The following THADA variants were observed in gnomAD, a reference collection of about 807,000 sequenced individuals.
THADA encodes THADA armadillo repeat containing.
A neutral mutation model predicts 219.8 loss-of-function variants in THADA; 213 were observed. That is an observed-to-expected ratio of 0.97 (90% CI 0.87 to 1.09). The LOEUF (loss-of-function observed/expected upper bound fraction) is 1.09. Among genes scored for constraint, THADA ranks in the 50% least tolerant of loss-of-function variants. The pLI is 0.00. For synonymous variants in THADA, 1,018 were observed against 828.9 expected (o/e 1.23, Z -3.92); for missense variants, 2,956 against 2,311.3 (o/e 1.28, Z -5.72).
At position 43,231,191 on chromosome 2, in the gene THADA, C is replaced by A. The variant is rs1177401090; in HGVS notation, c.5619G>T (p.Arg1873Ser). The change falls in exon 38 of 38, where the codon AGG (arginine) becomes AGT (serine). Residue 1873 changes from arginine (R) to serine (S), a missense_variant. Physicochemically the swap from Arg to Ser is moderately radical, Grantham distance 110. Coordinates refer to ENST00000405975, the MANE Select transcript of THADA (RefSeq NM_022065.5). Reference sequence around the variant, plus strand: ...GGAGGTGGCACTGCTCTGACACCATCCTTTGAAGGTGACAGAGCATCTCAG... The same window carrying A: ...GGAGGTGGCACTGCTCTGACACCATACTTTGAAGGTGACAGAGCATCTCAG... Reference protein sequence around the residue: ...PSPEMLCHLQRMVSEQCHLLS... With the variant: ...PSPEMLCHLQSMVSEQCHLLS... 6.2e-7 allele frequency: 1 copy of A among 1,613,722 alleles called. No individual in the cohort carries two copies. Among genetic ancestry groups the A allele is most frequent in the Non-Finnish European group, 8.5e-7 (1 of 1,179,796 alleles).
intron 28 of THADA, among the ~76,000 whole-genome samples, chr2:43,410,944 C>G (rs1038235869): frequency 1.3e-5 from 2 of 152,186 alleles, no homozygotes; most frequent in African/African-American, 4.8e-5. Flanking sequence ...GTCTTGCTTT[C>G]TTAGCCTCCA....
In THADA at chr2:43,556,517, C is replaced by A. The variant is rs759791309; in HGVS notation, c.2502G>T (p.Leu834Phe). 6.2e-7 allele frequency: 1 copy of A among 1,613,786 alleles called. No homozygotes were observed. Among genetic ancestry groups the A allele is most frequent in the East Asian group, 2.2e-5 (1 of 44,880 alleles). ...GKLQGLFQAA[L>F]ELSTSTKPYD... ...ATGGTTTGGTGCTTGTGCTGAGCTC[C>A]AATGCTGCCTGAAATAAGCCTTGCA... is the stretch of plus-strand genomic sequence containing the variant. Residue 834 changes from leucine (L) to phenylalanine (F), a missense_variant, in exon 17 of 38, where the codon TTG becomes TTT. Transcript: ENST00000405975.
intron 26 of THADA, chr2:43,430,575 T>A: frequency 2.1e-6 from 1 of 481,438 alleles, no homozygotes; most frequent in Non-Finnish European, 4.0e-6. Context: ...AGGGAAGAAA[T>A]ATGTAATCTG....
At chr2:43,590,558 T>C (rs551118580) in intron 4 of THADA, among the ~76,000 whole-genome samples, 1 of 143,708 alleles carries the variant, frequency 7.0e-6, no homozygotes, top group Non-Finnish European at 1.5e-5. Context: ...GGCAGGAGAA[T>C]GGCGTGAACC....
intron 21 of THADA, among the ~76,000 whole-genome samples, chr2:43,537,566 T>C (rs1395133424): frequency 1.3e-5 from 2 of 152,210 alleles, no homozygotes; most frequent in Non-Finnish European, 2.9e-5. Context: ...ATATATCCCA[T>C]TTGTAGTTCA....
intron 26 of THADA, among the ~76,000 whole-genome samples, chr2:43,437,596 A>T (rs1680283715): frequency 6.6e-6 from 1 of 152,196 alleles, no homozygotes; most frequent in Non-Finnish European, 1.5e-5. Flanking sequence ...TGATGTATTC[A>T]TGGGAGAATT....
At chr2:43,418,536 T>G (rs6739313) in intron 28 of THADA, among the ~76,000 whole-genome samples, 1 of 151,966 alleles carries the variant, frequency 6.6e-6, no homozygotes, top group Non-Finnish European at 1.5e-5. Context: ...AAGAAGGCTG[T>G]TCAAACTTCA....
chr2:43,234,144 A>G (rs1490971855), intron 36 of THADA, among the ~76,000 whole-genome samples: 1 of 152,180 alleles, frequency 6.6e-6, no homozygotes, highest in Non-Finnish European at 1.5e-5. Flanking sequence ...CTAGCATCCT[A>G]TGGGTTGGGT....
chr2:43,525,191 G>C (rs564302233), intron 22 of THADA, among the ~76,000 whole-genome samples: 73 of 152,184 alleles, frequency 4.8e-4, no homozygotes, highest in African/African-American at 1.7e-3. Context: ...CCATTTGTCT[G>C]GTGACCAAGA....
At chr2:43,498,215 C>T (rs779406746) in intron 25 of THADA, among the ~76,000 whole-genome samples, 3 of 151,830 alleles carry the variant, frequency 2.0e-5, no homozygotes, top group Admixed American at 6.6e-5. Context: ...ATAGAGGTTA[C>T]TAGGGGTGAG....
At chr2:43,420,487 A>T (rs1014543521) in intron 28 of THADA, among the ~76,000 whole-genome samples, 44 of 152,310 alleles carry the variant, frequency 2.9e-4, no homozygotes, top group African/African-American at 1.0e-3. Context: ...GATTATCATC[A>T]TTGTCAGAAA....
intron 26 of THADA, among the ~76,000 whole-genome samples, chr2:43,439,228 G>A (rs2104853524): frequency 6.6e-6 from 1 of 152,270 alleles, no homozygotes; most frequent in Non-Finnish European, 1.5e-5. Context: ...GTTTTAAACT[G>A]AGTGCCATTA....
At chr2:43,559,812 C>G (rs1321726600) in intron 16 of THADA, among the ~76,000 whole-genome samples, 2 of 152,218 alleles carry the variant, frequency 1.3e-5, no homozygotes, top group Non-Finnish European at 2.9e-5. Flanking sequence ...ATCCTCTCTA[C>G]CTCATTTACA....
At chr2:43,305,187 G>C (rs1288585045) in intron 31 of THADA, among the ~76,000 whole-genome samples, 1 of 151,896 alleles carries the variant, frequency 6.6e-6, no homozygotes, top group Non-Finnish European at 1.5e-5. Context: ...TATTTGTAGA[G>C]AAAAGGAAAC....
chr2:43,520,156 T>C (rs1692226539), intron 22 of THADA, among the ~76,000 whole-genome samples: 1 of 152,210 alleles, frequency 6.6e-6, no homozygotes, highest in Non-Finnish European at 1.5e-5. Flanking sequence ...CAACTCTATG[T>C]AGTCACCAAC....
rs537776884 is a variant in THADA at position 43,254,247 on chromosome 2, G to A, written c.5297-21365C>T. Among the ~76,000 whole-genome samples, 5 of 152,262 alleles carry A rather than the reference G, an allele frequency of 3.3e-5. No homozygotes were observed. The East Asian group carries it at 9.7e-4, about 30-fold the overall frequency. On this transcript the variant is annotated intron_variant, in intron 36 of 37. Coordinates refer to ENST00000405975, the MANE Select transcript of THADA (RefSeq NM_022065.5). ...AAATGAAGATGTAAAGGCTAGAGCT[G>A]CTGTAGCCATCTTAAACTCCAAGAA... is the stretch of plus-strand genomic sequence containing the variant.
At position 43,506,132 on chromosome 2, in the gene THADA, A is replaced by G. The variant is rs1478905496; in HGVS notation, c.3508-397T>C. Among the ~76,000 whole-genome samples, 19 of 152,238 alleles carry G rather than the reference A, an allele frequency of 1.2e-4. 1 individual carries two copies. The highest frequency in any genetic ancestry group is 1.2e-3 in the Admixed American group (18 of 15,282). ...AAAATTCTCTTTACTTAAAAAGCAAAAAATCTCTGGATTAAAATTCTTGTA... is the reference window on the plus strand; with the variant it reads ...AAAATTCTCTTTACTTAAAAAGCAAGAAATCTCTGGATTAAAATTCTTGTA... On this transcript the variant is annotated intron_variant, in intron 23 of 37. Transcript: ENST00000405975.
intron 26 of THADA, among the ~76,000 whole-genome samples, chr2:43,482,979 T>A (rs771005545): frequency 4.6e-5 from 7 of 152,166 alleles, no homozygotes; most frequent in Non-Finnish European, 1.0e-4. Context: ...ATTAAGGTCA[T>A]CTCCAGTGGC....
chr2:43,457,292 G>A (rs182561971), intron 26 of THADA, among the ~76,000 whole-genome samples: 6 of 152,000 alleles, frequency 3.9e-5, no homozygotes, highest in Non-Finnish European at 8.8e-5. Flanking sequence ...GTTTTGATGT[G>A]CCCATTCTAG....
Sources: gnomAD v4.1 joint callset for allele counts (sites outside exome capture counted in the v4.1 genomes callset) on GRCh38, gnomAD v4.1.1 for gene constraint, MANE v1.5 for transcripts, NCBI Gene and HGNC (gene_info 2026-07-23, HGNC 2026-07-21) for gene names.